Variants in TTC28 observed in about 807,000 individuals in gnomAD.
TTC28 encodes the protein tetratricopeptide repeat protein 28.
A neutral mutation model predicts 198.0 loss-of-function variants in TTC28; 61 were observed. The observed-to-expected ratio is 0.31, with a 90% CI of 0.25 to 0.38. The LOEUF (loss-of-function observed/expected upper bound fraction) is 0.38, where lower values mean the gene tolerates loss of function less well. Ranked by LOEUF, TTC28 falls within the 10% of genes least tolerant of loss-of-function variation. The pLI, the probability that TTC28 is intolerant of heterozygous loss-of-function variation, is 1.00. For synonymous variants in TTC28, 1,171 were observed against 1,297.8 expected (o/e 0.90, Z 2.10); for missense variants, 2,678 against 3,164.0 (o/e 0.85, Z 3.69).
chr22:28,273,365 A>C (rs998677057), intron 5 of TTC28, among the ~76,000 whole-genome samples: 3 of 152,214 alleles, frequency 2.0e-5, no homozygotes, highest in African/African-American at 7.2e-5. Context: ...TCACTTATTA[A>C]TATATTCAAG....
At chr22:28,660,210 A>G (rs1279735800) in intron 1 of TTC28, among the ~76,000 whole-genome samples, 1 of 152,102 alleles carries the variant, frequency 6.6e-6, no homozygotes, top group Non-Finnish European at 1.5e-5. Flanking sequence ...GTACTAACAC[A>G]TTTTCTCTTT....
chr22:28,186,651 T>C (rs555538713), intron 5 of TTC28, among the ~76,000 whole-genome samples: 1 of 152,170 alleles, frequency 6.6e-6, no homozygotes, highest in African/African-American at 2.4e-5. Flanking sequence ...CAAAGTATCA[T>C]GGTATTAAAT....
At chr22:28,133,545 G>A (rs544413963) in intron 6 of TTC28, among the ~76,000 whole-genome samples, 3 of 152,168 alleles carry the variant, frequency 2.0e-5, no homozygotes, top group East Asian at 1.9e-4. Context: ...CTTAGCAAAC[G>A]GCACACCAGG....
intron 12 of TTC28, among the ~76,000 whole-genome samples, chr22:28,093,721 A>C (rs1941885463): frequency 6.6e-6 from 1 of 152,202 alleles, no homozygotes; most frequent in African/African-American, 2.4e-5. Context: ...GCTACAGTAC[A>C]AACAAACTCA....
At chr22:28,235,158 T>G (rs1929140312) in intron 5 of TTC28, among the ~76,000 whole-genome samples, 1 of 152,236 alleles carries the variant, frequency 6.6e-6, no homozygotes, top group Non-Finnish European at 1.5e-5. Context: ...AGCCCTCAGG[T>G]CACTTTCTTT....
intron 2 of TTC28, among the ~76,000 whole-genome samples, chr22:28,553,440 C>A (rs2049728203): frequency 6.6e-6 from 1 of 151,164 alleles, no homozygotes; most frequent in Non-Finnish European, 1.5e-5. Flanking sequence ...GCCCCGCCGC[C>A]CTGTCTGGGA....
Position 27,992,589 on chromosome 22 carries a change from G to A in TTC28, c.5551C>T (p.Arg1851Trp), listed in dbSNP as rs1396737341. The A allele has an allele frequency of 5.2e-6, 8 of 1,551,380 alleles. No homozygotes were observed. Among genetic ancestry groups the A allele is most frequent in the East Asian group, 2.4e-5 (1 of 40,918 alleles). Residue 1851 changes from arginine to tryptophan, a missense_variant and splice_region_variant, in exon 19 of 23, where the codon CGG (arginine) becomes TGG (tryptophan). Arg to Trp is a moderately radical substitution (Grantham distance 101, BLOSUM62 -3). This residue lies in a region of TTC28 where 314 missense variants were observed against 442.7 expected (regional missense o/e 0.71). Transcript: ENST00000397906. Reference sequence around the variant, plus strand: ...TCAGCCCTCCAGGCTCGACTTACCCGGCTGATGAGCTGCTCGCCCGTCTCG... The same window carrying A: ...TCAGCCCTCCAGGCTCGACTTACCCAGCTGATGAGCTGCTCGCCCGTCTCG... ...ASETGEQLIS[R>W]AVKNMVGMLH... is the part of the protein sequence containing the mutation.
At chr22:28,351,658 G>T (rs1041320353) in intron 2 of TTC28, among the ~76,000 whole-genome samples, 2 of 152,158 alleles carry the variant, frequency 1.3e-5, no homozygotes, top group African/African-American at 2.4e-5. Context: ...CTGAAGAGCA[G>T]AAAAATGGTC....
chr22:28,310,167 C>G (rs1277427743), intron 2 of TTC28, among the ~76,000 whole-genome samples: 2 of 139,278 alleles, frequency 1.4e-5, no homozygotes, highest in African/African-American at 5.6e-5. Context: ...CACACACACA[C>G]ACACACAAAA....
chr22:28,380,354 C>T (rs902367162), intron 2 of TTC28, among the ~76,000 whole-genome samples: 1 of 152,050 alleles, frequency 6.6e-6, no homozygotes, highest in Non-Finnish European at 1.5e-5. Context: ...ATGCTGGAAA[C>T]TATTAAAACT....
chr22:28,103,637 T>C (rs1018226480), intron 8 of TTC28, among the ~76,000 whole-genome samples: 1 of 152,184 alleles, frequency 6.6e-6, no homozygotes, highest in Non-Finnish European at 1.5e-5. Context: ...GGCTCTCTAG[T>C]GGACACATCC....
chr22:28,253,759 C>T (rs184411862), intron 5 of TTC28, among the ~76,000 whole-genome samples: 1 of 152,064 alleles, frequency 6.6e-6, no homozygotes, highest in South Asian at 2.1e-4. Flanking sequence ...GATCAAAGGG[C>T]AGGTTTCCTA....
chr22:28,387,653 T>G (rs2046633055), intron 2 of TTC28, among the ~76,000 whole-genome samples: 1 of 152,216 alleles, frequency 6.6e-6, no homozygotes, highest in Non-Finnish European at 1.5e-5. Context: ...TTTTGAGAAG[T>G]GTCTGTTCAT....
At chr22:28,266,877 T>C (rs1931716419) in intron 5 of TTC28, among the ~76,000 whole-genome samples, 1 of 152,204 alleles carries the variant, frequency 6.6e-6, no homozygotes, top group African/African-American at 2.4e-5. Flanking sequence ...GTCTACTTAC[T>C]AAACCTATAA....
At chr22:28,677,633 T>C (rs1463842225) in intron 1 of TTC28, among the ~76,000 whole-genome samples, 7 of 150,264 alleles carry the variant, frequency 4.7e-5, no homozygotes, top group Non-Finnish European at 1.0e-4. Flanking sequence ...ACTGAGACTC[T>C]GTCTCAAAAA....
rs181048326 is a variant in TTC28 at position 27,981,282 on chromosome 22, G to A, written c.*939C>T. On this transcript the variant is annotated 3_prime_UTR_variant, in exon 23 of 23. Coordinates refer to ENST00000397906, the MANE Select transcript of TTC28 (RefSeq NM_001145418.2). ...TTTTTTTTTTTGCTTATAAGGAAAC[G>A]GAGTCATTTCAACCTTTCCTTCCAA... 2.8e-5 allele frequency: 3 copies of A among 108,400 alleles called. No individual in the cohort carries two copies. The highest frequency in any genetic ancestry group is 5.2e-5 in the Non-Finnish European group (3 of 57,634). 6.7% of individuals were successfully genotyped at this position (108,400 alleles called of 1,614,324 possible).
chr22:28,247,494 A>G (rs1930192041), intron 5 of TTC28, among the ~76,000 whole-genome samples: 1 of 150,818 alleles, frequency 6.6e-6, no homozygotes, highest in Non-Finnish European at 1.5e-5. Context: ...GATGTAGTCG[A>G]GCCTTTAGGC....
At chr22:28,644,174 C>G (rs573927787) in intron 1 of TTC28, among the ~76,000 whole-genome samples, 5 of 150,706 alleles carry the variant, frequency 3.3e-5, no homozygotes, top group African/African-American at 1.2e-4. Context: ...CCGAGGCAGG[C>G]GGATCACGAG....
intron 1 of TTC28, among the ~76,000 whole-genome samples, chr22:28,639,564 G>C (rs2051329500): frequency 6.6e-6 from 1 of 152,142 alleles, no homozygotes; most frequent in Non-Finnish European, 1.5e-5. Context: ...TGAATCATGG[G>C]AGCCAGTCTT....
Sources: gnomAD v4.1 joint callset for allele counts (sites outside exome capture counted in the v4.1 genomes callset) on GRCh38, gnomAD v4.1.1 for gene constraint, gnomAD v4.1.1 regional missense constraint, MANE v1.5 for transcripts, NCBI Gene and HGNC (gene_info 2026-07-23, HGNC 2026-07-21) for gene names.